Variants in GALNT18 observed in about 807,000 individuals in gnomAD.
The protein encoded by GALNT18 is GalNAc-transferase 18.
In GALNT18, 44 loss-of-function variants were observed where a neutral mutation model predicts 69.5. The observed-to-expected ratio is 0.63, with a 90% CI of 0.50 to 0.81. The LOEUF (loss-of-function observed/expected upper bound fraction) is 0.81. GALNT18 is among the 40% of genes least tolerant of loss of function. GALNT18 has a pLI of 0.00. For synonymous variants in GALNT18, 364 were observed against 318.2 expected, an observed-to-expected ratio of 1.14 and a Z score of -1.53; for missense variants, 715 against 810.0, an observed-to-expected ratio of 0.88 and a Z score of 1.42.
chr11:11,344,383 C>T (rs969788006), intron 6 of GALNT18, among the ~76,000 whole-genome samples: 5 of 152,202 alleles, frequency 3.3e-5, no homozygotes, highest in Admixed American at 1.3e-4. Flanking sequence ...CTAGGTTTAC[C>T]TGGTGTGCTG....
chr11:11,358,178 T>C (rs1850570121), intron 6 of GALNT18, among the ~76,000 whole-genome samples: 2 of 109,404 alleles, frequency 1.8e-5, no homozygotes, highest in African/African-American at 3.4e-5. Context: ...GTTTTTTCTT[T>C]CTTTTTACCT....
chr11:11,521,051 ATC>A (rs1857387421), intron 1 of GALNT18, among the ~76,000 whole-genome samples: 2 of 151,588 alleles, frequency 1.3e-5, no homozygotes, highest in South Asian at 4.2e-4. Flanking sequence ...TCCAGCACAC[ATC>A]TCTCACTGGG....
rs1053465822 is a variant in GALNT18, at chr11:11,546,309, G to C, written c.235+75050C>G. Among the ~76,000 whole-genome samples, 1 of 152,046 alleles carries C rather than the reference G, an allele frequency of 6.6e-6. No homozygotes were observed. The stretch of plus-strand genomic sequence containing the variant: ...AACCCAGCCAGGACCTGAGGCCATC[G>C]GGACTCCCTGTCTTATCCTCCCCAT... On this transcript the variant is annotated intron_variant, in intron 1 of 10. Coordinates refer to ENST00000227756, the MANE Select transcript of GALNT18 (RefSeq NM_198516.3). This position sits in a 1 kb window ranked among gnomAD's most constrained non-coding sequence, Gnocchi z 5.8.
At position 11,270,985 on chromosome 11, in the gene GALNT18, C is replaced by G. The variant is rs1848814348; in HGVS notation, c.*159G>C. On this transcript the variant is annotated 3_prime_UTR_variant, in exon 11 of 11. Coordinates refer to ENST00000227756, the MANE Select transcript of GALNT18 (RefSeq NM_198516.3). The stretch of plus-strand genomic sequence containing the variant: ...CCATCACCTACCAATCAGCATCTTT[C>G]TATAAACTCCATGAAAATTGAATAG... The G allele has an allele frequency of 3.4e-6, 2 of 595,610 alleles. No individual in the cohort carries two copies. Among genetic ancestry groups the G allele is most frequent in the East Asian group, 2.8e-5 (1 of 35,970 alleles). 36.9% of individuals were successfully genotyped at this position (595,610 alleles called of 1,614,324 possible). A position where few individuals can be genotyped will look rare whatever the true frequency, so the allele number is the denominator to read the frequency against.
chr11:11,341,982 A>T lies in GALNT18; in HGVS notation c.1093-978T>A, dbSNP rs991526332. Among the ~76,000 whole-genome samples the T allele has an allele frequency of 5.0e-4, 75 of 150,832 alleles. No homozygotes were observed. The highest frequency in any genetic ancestry group is 1.6e-3 in the African/African-American group (66 of 41,064). On this transcript the variant is annotated intron_variant, in intron 6 of 10. Transcript: ENST00000227756. The surrounding 1 kb of genome is among the most constrained non-coding windows in gnomAD (Gnocchi z 6.3). ...AAAACATTAAAATTTTTTTTTTTTT[A>T]AAAAGACCTTGACTATATGGCCCCA... is the stretch of plus-strand genomic sequence containing the variant.
Position 11,415,662 on chromosome 11 carries a change from T to A in GALNT18, c.595+16959A>T, listed in dbSNP as rs1041943914. ...TGGTTCTCAATCCCTTCATCTAAAG[T>A]GGGCATAAAAACCCTAAAACATAGA... On this transcript the variant is annotated intron_variant, in intron 3 of 10. Coordinates refer to ENST00000227756, the MANE Select transcript of GALNT18 (RefSeq NM_198516.3). The surrounding 1 kb of genome is among the most constrained non-coding windows in gnomAD (Gnocchi z 4.1). Among the ~76,000 whole-genome samples the A allele has an allele frequency of 6.6e-6, 1 of 152,134 alleles. No individual in the cohort carries two copies. The highest frequency in any genetic ancestry group is 1.9e-4 in the East Asian group (1 of 5,186).
At chr11:11,336,198 A>T (rs1479379315) in intron 7 of GALNT18, among the ~76,000 whole-genome samples, 1 of 152,226 alleles carries the variant, frequency 6.6e-6, no homozygotes, top group African/African-American at 2.4e-5. Flanking sequence ...GTTTTGCTGC[A>T]GACTGACTTT....
intron 3 of GALNT18, among the ~76,000 whole-genome samples, chr11:11,381,471 G>T (rs1226366730): frequency 2.0e-5 from 3 of 152,124 alleles, no homozygotes; most frequent in Admixed American, 1.3e-4. Flanking sequence ...CCATGACTAA[G>T]GTATTGATGG....
chr11:11,502,133 A>G (rs2133900450), intron 1 of GALNT18, among the ~76,000 whole-genome samples: 1 of 148,296 alleles, frequency 6.7e-6, no homozygotes, highest in South Asian at 2.1e-4. Flanking sequence ...TAAAGTGCCC[A>G]CCTCTGAGCT....
rs1249532436 is a variant in GALNT18, at chr11:11,435,851, C to T, written c.429-3064G>A. Among the ~76,000 whole-genome samples the T allele has an allele frequency of 1.3e-5, 2 of 152,214 alleles. No individual in the cohort carries two copies. Among genetic ancestry groups the T allele is most frequent in the African/African-American group, 2.4e-5 (1 of 41,444 alleles). Reference sequence around the variant, plus strand: ...CTCCCTCCTCTTGCGTGAATGGCCCCAATTCCTCACATTCGCAGTCTCCAG... The same window carrying T: ...CTCCCTCCTCTTGCGTGAATGGCCCTAATTCCTCACATTCGCAGTCTCCAG... On this transcript the variant is annotated intron_variant, in intron 2 of 10. Coordinates refer to ENST00000227756, the MANE Select transcript of GALNT18 (RefSeq NM_198516.3). The surrounding 1 kb of genome is among the most constrained non-coding windows in gnomAD (Gnocchi z 4.4).
chr11:11,551,514 A>C (rs571278789), intron 1 of GALNT18, among the ~76,000 whole-genome samples: 1 of 152,262 alleles, frequency 6.6e-6, no homozygotes, highest in Admixed American at 6.5e-5. Flanking sequence ...AGCTTCCTTG[A>C]AATCAAGGGT....
chr11:11,560,622 T>G (rs1285876506), intron 1 of GALNT18, among the ~76,000 whole-genome samples: 1 of 152,160 alleles, frequency 6.6e-6, no homozygotes, highest in African/African-American at 2.4e-5. Context: ...ACACAGCCCC[T>G]CTGGCTACAG....
intron 3 of GALNT18, among the ~76,000 whole-genome samples, chr11:11,411,254 C>T (rs1854720812): frequency 6.6e-6 from 1 of 152,214 alleles, no homozygotes. Flanking sequence ...ATCTAGGTTG[C>T]AGTGAGCTGT....
At position 11,396,860 on chromosome 11, in the gene GALNT18, A is replaced by T. The variant is rs1212115373; in HGVS notation, c.596-17596T>A. The stretch of plus-strand genomic sequence containing the variant: ...CTTGGCTGCCAAAGGAAAGGCTTTC[A>T]TTCCAGTCAAAGCAGGGTGCTGGAC... On this transcript the variant is annotated intron_variant, in intron 3 of 10. Transcript: ENST00000227756. This position sits in a 1 kb window ranked among gnomAD's most constrained non-coding sequence, Gnocchi z 5.2. 6.6e-6 allele frequency among the ~76,000 whole-genome samples: 1 copy of T among 152,142 alleles called. No individual in the cohort carries two copies. The highest frequency in any genetic ancestry group is 2.4e-5 in the African/African-American group (1 of 41,428).
intron 1 of GALNT18, among the ~76,000 whole-genome samples, chr11:11,514,071 AC>A (rs1857217778): frequency 6.6e-6 from 1 of 152,216 alleles, no homozygotes; most frequent in Admixed American, 6.5e-5. Flanking sequence ...GGAGGCTGGA[AC>A]AGAGAAGGGG....
At position 11,595,040 on chromosome 11, in the gene GALNT18, A is replaced by G. The variant is rs1376869105; in HGVS notation, c.235+26319T>C. Among the ~76,000 whole-genome samples the G allele has an allele frequency of 1.5e-3, 224 of 151,558 alleles. No individual in the cohort carries two copies. The highest frequency in any genetic ancestry group is 6.8e-3 in the Middle Eastern group (2 of 294). On this transcript the variant is annotated intron_variant, in intron 1 of 10. Transcript: ENST00000227756. This position sits in a 1 kb window ranked among gnomAD's most constrained non-coding sequence, Gnocchi z 5.2. ...AAAATCTCCAAGAATGAATATATAC[A>G]TATATATTCATTCCTAGAATTGAAA...
chr11:11,366,398 T>C (rs1252753461), intron 6 of GALNT18, among the ~76,000 whole-genome samples: 1 of 152,212 alleles, frequency 6.6e-6, no homozygotes, highest in Non-Finnish European at 1.5e-5. Flanking sequence ...TGCATCTACA[T>C]GTATAATAGA....
Position 11,413,956 on chromosome 11 carries a change from C to T in GALNT18, c.595+18665G>A, listed in dbSNP as rs541122268. Among the ~76,000 whole-genome samples the T allele has an allele frequency of 2.0e-5, 3 of 152,318 alleles. 1 individual carries two copies. The South Asian group carries it at 6.2e-4, about 32-fold the overall frequency. ...TTCACACTGGATCTTACTCACCAAA[C>T]CTGTTCTTCCTCTAATTCTGTCTGG... On this transcript the variant is annotated intron_variant, in intron 3 of 10. Transcript: ENST00000227756. This position sits in a 1 kb window ranked among gnomAD's most constrained non-coding sequence, Gnocchi z 4.7.
At chr11:11,282,102 A>G (rs540413538) in intron 10 of GALNT18, among the ~76,000 whole-genome samples, 11 of 152,032 alleles carry the variant, frequency 7.2e-5, no homozygotes, top group African/African-American at 2.2e-4. Flanking sequence ...CTTTTAAAAC[A>G]GAGATAGCAC....
Sources: gnomAD v4.1 joint callset for allele counts (sites outside exome capture counted in the v4.1 genomes callset) on GRCh38, gnomAD v4.1.1 for gene constraint, Gnocchi (gnomAD v3.1) non-coding constraint, MANE v1.5 for transcripts, NCBI Gene and HGNC (gene_info 2026-07-23, HGNC 2026-07-21) for gene names.